Variants in PLCH1 observed in about 807,000 individuals in gnomAD.
PLCH1 encodes phospholipase C eta 1, also known as 1-phosphatidylinositol 4,5-bisphosphate phosphodiesterase eta-1.
In PLCH1, 60 loss-of-function variants were observed where a neutral mutation model predicts 126.7. That is an observed-to-expected ratio of 0.47 (90% CI 0.38 to 0.59). The LOEUF (loss-of-function observed/expected upper bound fraction) is 0.59, where lower values mean the gene tolerates loss of function less well. Among genes scored for constraint, PLCH1 ranks in the 20% least tolerant of loss-of-function variants. PLCH1 has a pLI of 0.00. For missense variants in PLCH1, 1,723 were observed against 2,040.0 expected, an observed-to-expected ratio of 0.84 and a Z score of 2.99; for synonymous variants, 719 against 734.9, an observed-to-expected ratio of 0.98 and a Z score of 0.35.
intron 2 of PLCH1, among the ~76,000 whole-genome samples, chr3:155,630,694 G>A (rs1279603887): frequency 6.6e-6 from 1 of 152,150 alleles, no homozygotes; most frequent in Non-Finnish European, 1.5e-5. Flanking sequence ...TTTACATTAT[G>A]AGAAACAGAG....
chr3:155,605,546 A>G (rs1258406562), intron 2 of PLCH1, among the ~76,000 whole-genome samples: 1 of 152,244 alleles, frequency 6.6e-6, no homozygotes, highest in East Asian at 1.9e-4. Flanking sequence ...AGAAGGATGC[A>G]TTATAATGTC....
intron 1 of PLCH1, among the ~76,000 whole-genome samples, chr3:155,709,101 G>A (rs1216137315): frequency 1.3e-5 from 2 of 152,110 alleles, no homozygotes; most frequent in Admixed American, 1.3e-4. Context: ...GTCTTTTCAT[G>A]GCTTGAGAGC....
chr3:155,658,457 G>C (rs1432620222), intron 2 of PLCH1: 1 of 159,500 alleles, frequency 6.3e-6, no homozygotes, highest in Non-Finnish European at 1.4e-5. Context: ...ACACGGGAAG[G>C]TGAGATCTCC....
At chr3:155,701,623 CA>C (rs972438579) in intron 2 of PLCH1, among the ~76,000 whole-genome samples, 2 of 152,178 alleles carry the variant, frequency 1.3e-5, no homozygotes, top group Admixed American at 1.3e-4. Flanking sequence ...AGTGAATAAG[CA>C]AAAGTGTGGT....
At chr3:155,531,949 T>A (rs763730898) in intron 10 of PLCH1, among the ~76,000 whole-genome samples, 61 of 152,232 alleles carry the variant, frequency 4.0e-4, no homozygotes, top group Non-Finnish European at 6.5e-4. Flanking sequence ...CAGCAATAAG[T>A]TAAGGCTATT....
At chr3:155,711,576 T>C (rs904710780) in intron 1 of PLCH1, among the ~76,000 whole-genome samples, 4 of 152,138 alleles carry the variant, frequency 2.6e-5, no homozygotes, top group Admixed American at 6.5e-5. Context: ...TCCACCACAG[T>C]GGACATCTGC....
intron 2 of PLCH1, among the ~76,000 whole-genome samples, chr3:155,675,446 A>G (rs987340820): frequency 3.0e-4 from 46 of 152,196 alleles, no homozygotes; most frequent in African/African-American, 1.1e-3. Flanking sequence ...TAAGAACATG[A>G]TACATGGATC....
At chr3:155,465,560 T>C (rs1478507639) in intron 21 of PLCH1, among the ~76,000 whole-genome samples, 1 of 151,954 alleles carries the variant, frequency 6.6e-6, no homozygotes, top group Non-Finnish European at 1.5e-5. Flanking sequence ...TTACCAGCTG[T>C]GGTGGCTATG....
Position 155,637,787 on chromosome 3 carries a change from C to A in PLCH1, c.80-41409G>T, listed in dbSNP as rs143347628. Among the ~76,000 whole-genome samples the A allele has an allele frequency of 7.2e-3, 1,094 of 152,320 alleles. 7 individuals are homozygous for A. The highest frequency in any genetic ancestry group is 0.021 in the South Asian group (100 of 4,826). On this transcript the variant is annotated intron_variant, in intron 2 of 22. Transcript: ENST00000460012. ...CCTCTCACCTACTTTAGTATGTTTA[C>A]TCAGTGGATTTAAAGTAACCTTTCA... is the stretch of plus-strand genomic sequence containing the variant.
chr3:155,562,916 C>T (rs190797317), intron 8 of PLCH1, among the ~76,000 whole-genome samples: 4 of 152,278 alleles, frequency 2.6e-5, no homozygotes, highest in Admixed American at 1.3e-4. Flanking sequence ...AGTCACCAAT[C>T]GACAGCAGGT....
intron 2 of PLCH1, among the ~76,000 whole-genome samples, chr3:155,661,725 A>G (rs534685236): frequency 1.3e-5 from 2 of 152,298 alleles, no homozygotes; most frequent in Admixed American, 6.5e-5. Flanking sequence ...CCTCATTCAT[A>G]TAAAAAAGAT....
intron 2 of PLCH1, among the ~76,000 whole-genome samples, chr3:155,621,205 G>A (rs550707411): frequency 3.3e-5 from 5 of 152,272 alleles, no homozygotes; most frequent in African/African-American, 4.8e-5. Context: ...AAACAGAAAG[G>A]AATAGTATGA....
intron 2 of PLCH1, among the ~76,000 whole-genome samples, chr3:155,611,057 A>G (rs1735023302): frequency 6.6e-6 from 1 of 152,234 alleles, no homozygotes; most frequent in Admixed American, 6.5e-5. Context: ...AGCATGCAGA[A>G]GTAGCTATTC....
At chr3:155,694,952 CT>C (rs201292066) in intron 2 of PLCH1, among the ~76,000 whole-genome samples, 283 of 115,218 alleles carry the variant, frequency 2.5e-3, no homozygotes, top group Middle Eastern at 0.011. Flanking sequence ...AAAGCTAGTG[CT>C]TTTTTTTTTT....
At chr3:155,616,376 G>T (rs924165402) in intron 2 of PLCH1, among the ~76,000 whole-genome samples, 3 of 152,088 alleles carry the variant, frequency 2.0e-5, no homozygotes, top group Non-Finnish European at 4.4e-5. Flanking sequence ...TGAGCAAGAC[G>T]ACTAAAATTA....
intron 6 of PLCH1, among the ~76,000 whole-genome samples, chr3:155,574,167 G>A (rs573166858): frequency 5.3e-5 from 8 of 152,096 alleles, no homozygotes; most frequent in East Asian, 1.9e-4. Flanking sequence ...TGCCTGCCTC[G>A]GCCTCCCAAA....
intron 2 of PLCH1, among the ~76,000 whole-genome samples, chr3:155,637,784 T>C (rs1738915479): frequency 6.6e-6 from 1 of 152,198 alleles, no homozygotes; most frequent in South Asian, 2.1e-4. Context: ...TTTAGTATGT[T>C]TACTCAGTGG....
chr3:155,538,038 T>C (rs1213619754), intron 10 of PLCH1, among the ~76,000 whole-genome samples: 4 of 152,054 alleles, frequency 2.6e-5, no homozygotes, highest in Non-Finnish European at 5.9e-5. Context: ...ATCATAATTA[T>C]AGCAAGTACT....
At chr3:155,678,271 G>C (rs1744248584) in intron 2 of PLCH1, among the ~76,000 whole-genome samples, 1 of 152,160 alleles carries the variant, frequency 6.6e-6, no homozygotes, top group African/African-American at 2.4e-5. Flanking sequence ...ATTGGATATG[G>C]AGCCCAACCA....
Sources: allele counts gnomAD v4.1 joint callset (sites outside exome capture counted in the v4.1 genomes callset), GRCh38; gene constraint gnomAD v4.1.1; transcripts MANE v1.5; gene names NCBI Gene and HGNC (gene_info 2026-07-23, HGNC 2026-07-21).